Variants in ZNF335 observed in about 807,000 individuals in gnomAD.
ZNF335 encodes the protein zinc finger protein 335, also known as NRC-interacting factor 1.
ZNF335 carries 84 observed loss-of-function variants against 145.6 expected under a neutral mutation model. The ratio of observed to expected loss-of-function variants is 0.58; its 90% CI spans 0.48 to 0.69. ZNF335 has a LOEUF of 0.69. Among genes scored for constraint, ZNF335 ranks in the 30% least tolerant of loss-of-function variants. The pLI is 0.00. For synonymous variants in ZNF335, 761 were observed against 717.0 expected, an observed-to-expected ratio of 1.06 and a Z score of -0.98; for missense variants, 1,865 against 1,809.7, an observed-to-expected ratio of 1.03 and a Z score of -0.55.
chr20:45,961,009 G>C lies in ZNF335; in HGVS notation c.1647-127C>G, dbSNP rs565855513. On this transcript the variant is annotated intron_variant, in intron 10 of 27. Transcript: ENST00000322927. ...GCCAAGGCCCCTTTCTCTTAGAATA[G>C]TGCTTCCCCAGCTGGAGTTCACTGG... 4.0e-5 allele frequency: 51 copies of C among 1,283,498 alleles called. No homozygotes were observed. In the African/African-American group the frequency reaches 7.5e-4, roughly 19 times the overall value. 79.5% of individuals were successfully genotyped at this position (1,283,498 alleles called of 1,614,324 possible).
intron 20 of ZNF335, among the ~76,000 whole-genome samples, chr20:45,951,623 C>T (rs745441956): frequency 6.6e-6 from 1 of 152,220 alleles, no homozygotes; most frequent in African/African-American, 2.4e-5. Context: ...CACAATGGGG[C>T]TGTGCTCCTG....
intron 24 of ZNF335, 53 bp downstream of exon 24, chr20:45,949,747 T>C: frequency 6.2e-7 from 1 of 1,600,472 alleles, no homozygotes; most frequent in Non-Finnish European, 8.6e-7. Flanking sequence ...AGGTAGGTCT[T>C]TGGGAGGGTA....
chr20:45,954,831 G>T (rs1239504255), intron 17 of ZNF335, among the ~76,000 whole-genome samples: 1 of 134,756 alleles, frequency 7.4e-6, no homozygotes, highest in Non-Finnish European at 1.5e-5. Flanking sequence ...GCAGTGGTAC[G>T]ATTACAGCTC....
rs1451694038 is a variant in ZNF335, at chr20:45,948,905, C to G, written c.*48G>C. On this transcript the variant is annotated 3_prime_UTR_variant, in exon 28 of 28. Transcript: ENST00000322927. ...GGTGAGTCCTGGTGGCCCCCTACCC[C>G]CAGGAGAGCTGGCCGCAAATCCATG... is the stretch of plus-strand genomic sequence containing the variant. 3 of 1,612,750 alleles carry G rather than the reference C, an allele frequency of 1.9e-6. No homozygotes were observed. The African/African-American group carries it at 4.0e-5, about 22-fold the overall frequency.
rs961624172 is a variant in ZNF335, at chr20:45,964,052, T to C, written c.1103-62A>G. Reference sequence around the variant, plus strand: ...ACACACCAGGACAGACGTGGACAAGTGGGCCAGAGGCCAGCCAAAATATCC... The same window carrying C: ...ACACACCAGGACAGACGTGGACAAGCGGGCCAGAGGCCAGCCAAAATATCC... On this transcript the variant is annotated intron_variant, in intron 7 of 27. Coordinates refer to ENST00000322927, the MANE Select transcript of ZNF335 (RefSeq NM_022095.4). The C allele has an allele frequency of 3.1e-4, 468 of 1,499,544 alleles. 1 individual carries two copies. Among genetic ancestry groups the C allele is most frequent in the Non-Finnish European group, 3.8e-4 (433 of 1,128,926 alleles). 92.9% of individuals were successfully genotyped at this position (1,499,544 alleles called of 1,614,324 possible).
Position 45,948,947 on chromosome 20 carries a change from C to G in ZNF335, c.*6G>C. On this transcript the variant is annotated 3_prime_UTR_variant, in exon 28 of 28. Transcript: ENST00000322927. ...AAATCCATGATCTGTGTTGGGCCCT[C>G]GGGGCTCAGTCATCGGCCAGGGTGA... 6.2e-7 allele frequency: 1 copy of G among 1,613,800 alleles called. No homozygotes were observed. Among genetic ancestry groups the G allele is most frequent in the Non-Finnish European group, 8.5e-7 (1 of 1,180,014 alleles).
chr20:45,958,249 T>C (rs889680547), intron 15 of ZNF335, among the ~76,000 whole-genome samples: 2 of 152,170 alleles, frequency 1.3e-5, no homozygotes, highest in Non-Finnish European at 2.9e-5. Context: ...GGTTTCTCCA[T>C]GTTGGTCGGC....
intron 15 of ZNF335, 27 bp downstream of exon 15, chr20:45,959,174 T>C: frequency 7.5e-7 from 1 of 1,338,326 alleles, no homozygotes; most frequent in Non-Finnish European, 9.7e-7. Flanking sequence ...CCTCACTCTG[T>C]CATCCTGACC....
rs1023064537 is a variant in ZNF335, at chr20:45,966,414, G to C, written c.956-640C>G. Among the ~76,000 whole-genome samples, 2 of 151,954 alleles carry C rather than the reference G, an allele frequency of 1.3e-5. 1 individual carries two copies. Among genetic ancestry groups the C allele is most frequent in the South Asian group, 4.2e-4 (2 of 4,812 alleles). On this transcript the variant is annotated intron_variant, in intron 6 of 27. Coordinates refer to ENST00000322927, the MANE Select transcript of ZNF335 (RefSeq NM_022095.4). ...GTAATTGTTATGATGACTGCATACT[G>C]AAATATTTTAGGGCCAGGCACAGCC...
chr20:45,949,393 C>T lies in ZNF335; in HGVS notation c.3759G>A (p.Gln1253=). 6.2e-7 allele frequency: 1 copy of T among 1,614,122 alleles called. No individual in the cohort carries two copies. The highest frequency in any genetic ancestry group is 1.1e-5 in the South Asian group (1 of 91,090). ...VVPEGHHIQV[Q]EGQITHIQYE... The stretch of plus-strand genomic sequence containing the variant: ...ACTGGATGTGTGTGATCTGGCCCTC[C>T]TGTACCTGCAGAGAGGAAGCCAAGC... The change falls in exon 26 of 28, where the codon CAG becomes CAA. Residue 1253 remains glutamine (Q), a synonymous_variant. Coordinates refer to ENST00000322927, the MANE Select transcript of ZNF335 (RefSeq NM_022095.4).
Position 45,949,091 on chromosome 20 carries a change from AG to A in ZNF335, c.3902-12del. ...CAGCATCAGCCACTGCTGCCAGGGG[AG>A]GGGAAAGTATGGTGAGCTGGAGGCT... On this transcript the variant is annotated splice_polypyrimidine_tract_variant and intron_variant, in intron 27 of 27. Transcript: ENST00000322927. 6.2e-7 allele frequency: 1 copy of A among 1,613,532 alleles called. No homozygotes were observed.
chr20:45,952,412 G>A lies in ZNF335; in HGVS notation c.2924C>T (p.Pro975Leu), dbSNP rs779996722. Residue 975 changes from proline to leucine, a missense_variant, in exon 20 of 28, where the codon CCA becomes CTA. Pro to Leu is a moderately conservative substitution (Grantham distance 98, BLOSUM62 -3). Coordinates refer to ENST00000322927, the MANE Select transcript of ZNF335 (RefSeq NM_022095.4). ...GGLPRDGPEPPSPAKTHCVGD... is the reference protein window; with the variant it reads ...GGLPRDGPEPLSPAKTHCVGD... ...TACGCAGTGGGTCTTGGCTGGAGAT[G>A]GGGGCTCAGGGCCGTCTCTGGGCAG... 10 of 1,582,074 alleles carry A rather than the reference G, an allele frequency of 6.3e-6. No individual in the cohort carries two copies. In the Admixed American group the frequency reaches 8.6e-5, roughly 14 times the overall value.
In ZNF335 at chr20:45,960,270, A is replaced by C; in HGVS notation, c.1958T>G (p.Phe653Cys). The change falls in exon 14 of 28, where the codon TTT becomes TGT. Residue 653 changes from phenylalanine (F) to cysteine (C), a missense_variant. Phe to Cys is a radical substitution (Grantham distance 205, BLOSUM62 -2). Transcript: ENST00000322927. ...HVSDKPFKCS[F>C]CPYRTFREDF... ...CTCTCGGAAGGTGCGGTAGGGACAA[A>C]AGCTGCATTTGAAGGGCTTGTCACT... The C allele has an allele frequency of 6.2e-7, 1 of 1,614,170 alleles. No homozygotes were observed.
intron 17 of ZNF335, among the ~76,000 whole-genome samples, chr20:45,955,350 C>CAAA (rs61555698): frequency 8.0e-5 from 3 of 37,330 alleles, no homozygotes; most frequent in African/African-American, 1.2e-4. Flanking sequence ...GACTCTGTCT[C>CAAA]AAAAAAAAAA....
chr20:45,953,963 G>T lies in ZNF335; in HGVS notation c.2443-15C>A. The stretch of plus-strand genomic sequence containing the variant: ...ACCACAGCCACCTGCAACGGCACCA[G>T]GGGGCGGGATGGGAGGCACTGGTGG... On this transcript the variant is annotated splice_polypyrimidine_tract_variant and intron_variant, in intron 17 of 27. Coordinates refer to ENST00000322927, the MANE Select transcript of ZNF335 (RefSeq NM_022095.4). 1 of 1,568,516 alleles carries T rather than the reference G, an allele frequency of 6.4e-7. No homozygotes were observed. Among genetic ancestry groups the T allele is most frequent in the Non-Finnish European group, 8.7e-7 (1 of 1,155,190 alleles).
At chr20:45,967,673 T>C (rs1425786034) in intron 5 of ZNF335, 39 bp from the exon 6 acceptor site, 2 of 1,611,348 alleles carry the variant, frequency 1.2e-6, no homozygotes, top group Non-Finnish European at 1.7e-6. Flanking sequence ...TTGCCATGTC[T>C]GGCTCCCAGC....
In ZNF335 at chr20:45,969,531, T is replaced by A; in HGVS notation, c.362A>T (p.Asp121Val). 6.3e-7 allele frequency: 1 copy of A among 1,591,562 alleles called. No individual in the cohort carries two copies. The highest frequency in any genetic ancestry group is 8.6e-7 in the Non-Finnish European group (1 of 1,161,784). The change falls in exon 3 of 28, where the codon GAC becomes GTC. Residue 121 changes from aspartate (D) to valine (V), a missense_variant. Transcript: ENST00000322927. ...CAGGTCCGAGGAGGAAGCTGTGCAG[T>A]CGGACACCAGCATGTTGGGGTCTGG... ...ALPDPNMLVS[D>V]CTASSSDLGS...
At position 45,950,002 on chromosome 20, in the gene ZNF335, G is replaced by A. The variant is rs763116313; in HGVS notation, c.3555C>T (p.His1185=). ...CTGTCTGTTCCTGGGCAACGATGAT[G>A]TGTTCCTGGCTCAGTGCCTGCTGTA... ...ERLQQALSQE[H]IIVAQEQTVT... The change falls in exon 23 of 28, where the codon CAC becomes CAT. Residue 1185 remains histidine (H), a synonymous_variant. Transcript: ENST00000322927. The A allele has an allele frequency of 1.2e-6, 2 of 1,614,168 alleles. No homozygotes were observed. Among genetic ancestry groups the A allele is most frequent in the African/African-American group, 2.7e-5 (2 of 75,058 alleles).
At chr20:45,956,657 G>C (rs1193646613) in intron 17 of ZNF335, among the ~76,000 whole-genome samples, 2 of 151,896 alleles carry the variant, frequency 1.3e-5, no homozygotes, top group Non-Finnish European at 2.9e-5. Flanking sequence ...ACATATTTGG[G>C]AATCTAGTAT....
Sources: gnomAD v4.1 joint callset for allele counts (sites outside exome capture counted in the v4.1 genomes callset) on GRCh38, gnomAD v4.1.1 for gene constraint, MANE v1.5 for transcripts, NCBI Gene and HGNC (gene_info 2026-07-23, HGNC 2026-07-21) for gene names.